SUPT3H: variants seen among roughly 807,000 people sequenced by gnomAD.
The protein encoded by SUPT3H is SPT3 homolog, SAGA and STAGA complex component, also known as transcription initiation protein SPT3 homolog.
SUPT3H carries 44 observed loss-of-function variants against 44.3 expected under a neutral mutation model. That is an observed-to-expected ratio of 0.99 (90% CI 0.78 to 1.28). The LOEUF (loss-of-function observed/expected upper bound fraction) is 1.28, where lower values mean the gene tolerates loss of function less well. Ranked by LOEUF, SUPT3H falls within the 50% of genes most tolerant of loss-of-function variation. The pLI, the probability that SUPT3H is intolerant of heterozygous loss-of-function variation, is 0.00. For missense variants in SUPT3H, 380 were observed against 387.1 expected, an observed-to-expected ratio of 0.98 and a Z score of 0.15; for synonymous variants, 124 against 125.6, an observed-to-expected ratio of 0.99 and a Z score of 0.09.
intron 2 of SUPT3H, among the ~76,000 whole-genome samples, chr6:45,204,393 T>A (rs1383404178): frequency 6.6e-6 from 1 of 152,078 alleles, no homozygotes; most frequent in South Asian, 2.1e-4. Context: ...GATACAGCCA[T>A]GCAGAAGATA....
At chr6:45,226,679 A>G (rs1315073508) in intron 2 of SUPT3H, among the ~76,000 whole-genome samples, 1 of 152,098 alleles carries the variant, frequency 6.6e-6, no homozygotes, top group Non-Finnish European at 1.5e-5. Flanking sequence ...TTTCAGGCCC[A>G]TGCCACCACA....
intron 2 of SUPT3H, among the ~76,000 whole-genome samples, chr6:45,117,791 A>G (rs1014961523): frequency 2.0e-5 from 3 of 152,258 alleles, no homozygotes; most frequent in East Asian, 1.9e-4. Context: ...GTTGTACTAC[A>G]TAATATATTC....
intron 2 of SUPT3H, among the ~76,000 whole-genome samples, chr6:45,138,359 T>G (rs929691569): frequency 2.0e-5 from 3 of 152,070 alleles, no homozygotes; most frequent in African/African-American, 7.2e-5. Context: ...CTCCCAGCAA[T>G]CCATCCAAGA....
At chr6:44,845,880 T>C (rs746023819) in intron 10 of SUPT3H, among the ~76,000 whole-genome samples, 1 of 152,180 alleles carries the variant, frequency 6.6e-6, no homozygotes, top group Admixed American at 6.5e-5. Context: ...ATTTTTCCGG[T>C]ACACCAAGGC....
At chr6:45,309,570 G>C (rs971969313) in intron 2 of SUPT3H, among the ~76,000 whole-genome samples, 7 of 151,908 alleles carry the variant, frequency 4.6e-5, no homozygotes, top group African/African-American at 1.7e-4. Context: ...AAAAGTGATA[G>C]AAATCTTATT....
chr6:45,353,461 A>T (rs1792495154), intron 2 of SUPT3H, among the ~76,000 whole-genome samples: 1 of 152,052 alleles, frequency 6.6e-6, no homozygotes, highest in Admixed American at 6.5e-5. Flanking sequence ...TACTCAACGG[A>T]ACAAAGCAGA....
chr6:45,042,704 C>T (rs1788730214), intron 3 of SUPT3H, among the ~76,000 whole-genome samples: 1 of 152,004 alleles, frequency 6.6e-6, no homozygotes, highest in Admixed American at 6.6e-5. Context: ...CCTCAGGGAT[C>T]TAGAACTAGA....
chr6:44,867,324 A>G (rs488961), intron 10 of SUPT3H, among the ~76,000 whole-genome samples: 141,385 of 152,052 alleles, frequency 0.93, 66,603 homozygotes, highest in East Asian at 1. Flanking sequence ...GTTAATTTTC[A>G]TATTTTTAGT....
intron 10 of SUPT3H, among the ~76,000 whole-genome samples, chr6:44,928,566 T>C (rs1436063302): frequency 2.0e-5 from 3 of 151,944 alleles, no homozygotes; most frequent in Admixed American, 6.5e-5. Flanking sequence ...CCTTCTCTTA[T>C]CTTCTGTGTA....
intron 2 of SUPT3H, among the ~76,000 whole-genome samples, chr6:45,149,763 T>C (rs981484306): frequency 2.0e-5 from 3 of 151,990 alleles, no homozygotes; most frequent in African/African-American, 7.2e-5. Context: ...AAAAAAACTT[T>C]AAAAAAAATT....
At chr6:45,078,425 G>T (rs1010479091) in intron 3 of SUPT3H, among the ~76,000 whole-genome samples, 2 of 152,110 alleles carry the variant, frequency 1.3e-5, no homozygotes, top group South Asian at 4.1e-4. Context: ...CTTCATATTA[G>T]TTGACTGAAA....
chr6:45,129,395 G>A (rs935628657), intron 2 of SUPT3H, among the ~76,000 whole-genome samples: 1 of 152,190 alleles, frequency 6.6e-6, no homozygotes, highest in African/African-American at 2.4e-5. Context: ...GGATATTGAA[G>A]ATCTGGAATC....
chr6:45,100,844 T>TA (rs1197968697), intron 3 of SUPT3H, among the ~76,000 whole-genome samples: 3 of 152,130 alleles, frequency 2.0e-5, no homozygotes, highest in Admixed American at 6.5e-5. Context: ...ATCCCACTAC[T>TA]GGGTCCACAT....
intron 6 of SUPT3H, among the ~76,000 whole-genome samples, chr6:44,966,218 T>G (rs1274183965): frequency 2.0e-5 from 3 of 152,156 alleles, no homozygotes; most frequent in Non-Finnish European, 2.9e-5. Flanking sequence ...CCTTTTCTAT[T>G]CCTTTAAGAA....
chr6:45,225,412 T>C (rs746922058), intron 2 of SUPT3H, among the ~76,000 whole-genome samples: 2 of 152,196 alleles, frequency 1.3e-5, no homozygotes, highest in Non-Finnish European at 2.9e-5. Context: ...TTTTGTGAAC[T>C]ATCTTATATG....
At chr6:44,974,386 C>T (rs950829453) in intron 6 of SUPT3H, among the ~76,000 whole-genome samples, 2 of 151,932 alleles carry the variant, frequency 1.3e-5, no homozygotes, top group African/African-American at 4.8e-5. Flanking sequence ...GGTGCTGAAA[C>T]CAGAGATGCT....
intron 10 of SUPT3H, among the ~76,000 whole-genome samples, chr6:44,879,015 G>A (rs551955): frequency 0.02 from 3,104 of 152,190 alleles, 42 homozygotes; most frequent in Non-Finnish European, 0.033. Flanking sequence ...GGCAGACACC[G>A]AGCTAGCTCC....
intron 3 of SUPT3H, among the ~76,000 whole-genome samples, chr6:45,078,695 G>T (rs1221423300): frequency 6.6e-6 from 1 of 152,032 alleles, no homozygotes; most frequent in African/African-American, 2.4e-5. Flanking sequence ...ATACTTGGCT[G>T]ACAGGTTTTT....
intron 6 of SUPT3H, among the ~76,000 whole-genome samples, chr6:44,982,773 A>G (rs933791349): frequency 6.6e-6 from 1 of 152,240 alleles, no homozygotes; most frequent in African/African-American, 2.4e-5. Context: ...GGCATTCGTA[A>G]GAATCTGTAC....
Sources: allele counts gnomAD v4.1 joint callset (sites outside exome capture counted in the v4.1 genomes callset), GRCh38; gene constraint gnomAD v4.1.1; transcripts MANE v1.5; gene names NCBI Gene and HGNC (gene_info 2026-07-23, HGNC 2026-07-21).